The following ZNF521 variants were observed in gnomAD, a reference collection of about 807,000 sequenced individuals.
ZNF521 encodes LYST-interacting protein 3.
Under a neutral mutation model 105.5 loss-of-function variants are expected in ZNF521, and 14 were observed. The ratio of observed to expected loss-of-function variants is 0.13; its 90% CI spans 0.09 to 0.21. ZNF521 has a LOEUF of 0.21. Among genes scored for constraint, ZNF521 ranks in the 10% least tolerant of loss-of-function variants. ZNF521 has a pLI of 1.00. For missense variants in ZNF521, 1,233 were observed against 1,629.7 expected (o/e 0.76, Z 4.19); for synonymous variants, 635 against 606.0 (o/e 1.05, Z -0.70).
At chr18:25,280,839 A>G (rs1481440623) in intron 3 of ZNF521, among the ~76,000 whole-genome samples, 5 of 152,208 alleles carry the variant, frequency 3.3e-5, no homozygotes, top group African/African-American at 1.2e-4. Flanking sequence ...TATTCACATC[A>G]AAGATTGATC....
chr18:25,197,847 T>C (rs1176611641), intron 4 of ZNF521, among the ~76,000 whole-genome samples: 1 of 151,800 alleles, frequency 6.6e-6, no homozygotes, highest in Non-Finnish European at 1.5e-5. Context: ...TGGTTACCTA[T>C]CTCCAGGTCA....
At chr18:25,246,243 AAAAAAAAGAAAGTCTTATGATCTTTATG>A (rs1907711169) in intron 3 of ZNF521, among the ~76,000 whole-genome samples, 1 of 151,116 alleles carries the variant, frequency 6.6e-6, no homozygotes, top group Non-Finnish European at 1.5e-5. Context: ...AAATAAAGTA[AAAAAAAAGAAAGTCTTATGATCTTTATG>A]AAAAAAAGCT....
intron 3 of ZNF521, among the ~76,000 whole-genome samples, chr18:25,309,900 C>T (rs961327469): frequency 3.9e-5 from 6 of 152,068 alleles, no homozygotes; most frequent in Non-Finnish European, 7.4e-5. Flanking sequence ...TATCTTAGTG[C>T]TTGAATGTAT....
intron 7 of ZNF521, among the ~76,000 whole-genome samples, chr18:25,065,844 C>T (rs973720053): frequency 1.3e-5 from 2 of 152,160 alleles, no homozygotes; most frequent in Non-Finnish European, 2.9e-5. Context: ...TGTATGCTTT[C>T]ATCCTCAATC....
chr18:25,252,405 G>A (rs1190755899), intron 3 of ZNF521, among the ~76,000 whole-genome samples: 1 of 152,074 alleles, frequency 6.6e-6, no homozygotes, highest in African/African-American at 2.4e-5. Context: ...ACAGTTAAAT[G>A]TGTCTACAAA....
In ZNF521 at chr18:25,267,319, C is replaced by G. The variant is rs971120389; in HGVS notation, c.221-39622G>C. Among the ~76,000 whole-genome samples, 4 of 152,202 alleles carry G rather than the reference C, an allele frequency of 2.6e-5. No homozygotes were observed. The South Asian group carries it at 8.3e-4, about 31-fold the overall frequency. ...AAACCCCCATCTCCCTGGGAGAGAG[C>G]ACTTGGGGGAAGGGTCAGCTGTGGA... On this transcript the variant is annotated intron_variant, in intron 3 of 7. Coordinates refer to ENST00000361524, the MANE Select transcript of ZNF521 (RefSeq NM_015461.3).
At chr18:25,229,098 A>C (rs1287271568) in intron 3 of ZNF521, among the ~76,000 whole-genome samples, 1 of 152,238 alleles carries the variant, frequency 6.6e-6, no homozygotes, top group African/African-American at 2.4e-5. Context: ...TTCAAAGCTG[A>C]AGTTCACTAG....
chr18:25,201,688 C>T (rs2035995376), intron 4 of ZNF521: 1 of 152,210 alleles, frequency 6.6e-6, no homozygotes, highest in African/African-American at 2.4e-5. Flanking sequence ...TGGTCACAAC[C>T]CTGAAATCAG....
At chr18:25,136,283 T>G (rs2034731984) in intron 5 of ZNF521, among the ~76,000 whole-genome samples, 1 of 152,204 alleles carries the variant, frequency 6.6e-6, no homozygotes, top group Non-Finnish European at 1.5e-5. Flanking sequence ...CTATTTTACA[T>G]CAATATTTTA....
At chr18:25,302,596 C>A (rs1373198232) in intron 3 of ZNF521, 1 of 152,136 alleles carries the variant, frequency 6.6e-6, no homozygotes, top group Non-Finnish European at 1.5e-5. Context: ...GGTCATATAT[C>A]CATAAGATGC....
chr18:25,091,864 C>T, intron 6 of ZNF521, 86 bp downstream of exon 6: 1 of 1,519,760 alleles, frequency 6.6e-7, no homozygotes, highest in Non-Finnish European at 8.9e-7. Context: ...TGTAAAAGGC[C>T]ATAGCAGTGG....
chr18:25,152,650 G>A (rs542617976), intron 5 of ZNF521, among the ~76,000 whole-genome samples: 10 of 151,954 alleles, frequency 6.6e-5, no homozygotes, highest in Admixed American at 1.3e-4. Context: ...AGGAGACCCC[G>A]GAAAATTATG....
At chr18:25,180,080 A>G (rs1261549968) in intron 5 of ZNF521, among the ~76,000 whole-genome samples, 3 of 152,228 alleles carry the variant, frequency 2.0e-5, no homozygotes. Context: ...AGAGAAAGTT[A>G]AAAAAACTTT....
chr18:25,067,006 T>C (rs1438377648), intron 7 of ZNF521, among the ~76,000 whole-genome samples: 5 of 152,078 alleles, frequency 3.3e-5, no homozygotes, highest in African/African-American at 1.2e-4. Context: ...CAGTGCAACA[T>C]TGGTGGAGGT....
intron 3 of ZNF521, among the ~76,000 whole-genome samples, chr18:25,293,832 C>A (rs559750885): frequency 1.3e-5 from 2 of 152,244 alleles, no homozygotes; most frequent in African/African-American, 4.8e-5. Flanking sequence ...ATGACTGTTT[C>A]ATAATTTAAA....
rs75293316 is a variant in ZNF521, at chr18:25,232,952, C to T, written c.221-5255G>A. The stretch of plus-strand genomic sequence containing the variant: ...TTCTTACTAAATAGAATTCACAGTA[C>T]TTTTTCAGTCATTAGCTACCTGAGA... On this transcript the variant is annotated intron_variant, in intron 3 of 7. Transcript: ENST00000361524. 2.6e-4 allele frequency among the ~76,000 whole-genome samples: 40 copies of T among 152,236 alleles called. 1 individual carries two copies. The highest frequency in any genetic ancestry group is 4.7e-4 in the Non-Finnish European group (32 of 68,016).
At chr18:25,277,374 T>G (rs1910104782) in intron 3 of ZNF521, among the ~76,000 whole-genome samples, 1 of 152,050 alleles carries the variant, frequency 6.6e-6, no homozygotes, top group Non-Finnish European at 1.5e-5. Context: ...ACCAGCTAGT[T>G]TTTCATATAT....
chr18:25,322,548 A>C (rs961088456), intron 2 of ZNF521, among the ~76,000 whole-genome samples: 3 of 150,400 alleles, frequency 2.0e-5, no homozygotes, highest in African/African-American at 7.3e-5. Flanking sequence ...AAAAAAAAAA[A>C]AAAAACCCCC....
At position 25,227,843 on chromosome 18, in the gene ZNF521, G is replaced by C. The variant is rs1906276690; in HGVS notation, c.221-146C>G. The C allele has an allele frequency of 2.9e-6, 2 of 690,940 alleles. No individual in the cohort carries two copies. Among genetic ancestry groups the C allele is most frequent in the African/African-American group, 1.8e-5 (1 of 55,542 alleles). The allele number at this position is 690,940 out of a possible 1,614,324, so 42.8% of individuals were successfully genotyped here. A position where few individuals can be genotyped will look rare whatever the true frequency, so the allele number is the denominator to read the frequency against. On this transcript the variant is annotated intron_variant, in intron 3 of 7. Coordinates refer to ENST00000361524, the MANE Select transcript of ZNF521 (RefSeq NM_015461.3). The surrounding 1 kb of genome is among the most constrained non-coding windows in gnomAD (Gnocchi z 5.7). ...ATGAAAAGAGAGAATATTTGAGTGA[G>C]ACATTTTCAAATCTGAGCCCAAAGC...
Sources: gnomAD v4.1 joint callset for allele counts (sites outside exome capture counted in the v4.1 genomes callset) on GRCh38, gnomAD v4.1.1 for gene constraint, Gnocchi (gnomAD v3.1) non-coding constraint, MANE v1.5 for transcripts, NCBI Gene and HGNC (gene_info 2026-07-23, HGNC 2026-07-21) for gene names.